The following NFIB variants were observed in gnomAD, a reference collection of about 807,000 sequenced individuals.
NFIB encodes the protein nuclear factor I B.
In NFIB, 11 loss-of-function variants were observed where a neutral mutation model predicts 61.5. That is an observed-to-expected ratio of 0.18 (90% CI 0.11 to 0.30). NFIB has a LOEUF of 0.30. Ranked by LOEUF, NFIB falls within the 10% of genes least tolerant of loss-of-function variation. The pLI, the probability that NFIB is intolerant of heterozygous loss-of-function variation, is 1.00. For synonymous variants in NFIB, 260 were observed against 216.5 expected (o/e 1.20, Z -1.76); for missense variants, 471 against 608.9 (o/e 0.77, Z 2.38).
At position 14,150,202 on chromosome 9, in the gene NFIB, T is replaced by C; in HGVS notation, c.749A>G (p.Tyr250Cys). The change falls in exon 5 of 11, where the codon TAT (tyrosine) becomes TGT (cysteine). Residue 250 changes from tyrosine to cysteine, a missense_variant. Transcript: ENST00000380953. ...PIGEIPSQPY[Y>C]HDMNSGVNLQ... ...ATTGACCCCCGAGTTCATGTCATGA[T>C]AGTATGGTTGGCTTGGGATTTCTCC... 6.2e-7 allele frequency: 1 copy of C among 1,613,564 alleles called. No individual in the cohort carries two copies. The highest frequency in any genetic ancestry group is 8.5e-7 in the Non-Finnish European group (1 of 1,179,592).
intron 3 of NFIB, among the ~76,000 whole-genome samples, chr9:14,156,618 C>A (rs2043440168): frequency 6.6e-6 from 1 of 152,188 alleles, no homozygotes; most frequent in African/African-American, 2.4e-5. Flanking sequence ...CACACCGGGG[C>A]AGGGTCCACA....
chr9:14,130,440 G>C (rs1171704538), intron 6 of NFIB, among the ~76,000 whole-genome samples: 2 of 152,126 alleles, frequency 1.3e-5, no homozygotes, highest in Admixed American at 1.3e-4. Flanking sequence ...TTTATCCACT[G>C]AACAAACTTG....
chr9:14,259,088 C>T (rs751217351), intron 2 of NFIB, among the ~76,000 whole-genome samples: 1 of 152,160 alleles, frequency 6.6e-6, no homozygotes, highest in Non-Finnish European at 1.5e-5. Context: ...ACATAAGGCT[C>T]GTGAGAATCT....
In NFIB at chr9:14,214,314, C is replaced by T. The variant is rs1211447524; in HGVS notation, c.563-34534G>A. ...TGTCAGGAGCATGGACCCATGCAGTCACATAGAGCCCCACTTACGTGGTCC... is the reference window on the plus strand; with the variant it reads ...TGTCAGGAGCATGGACCCATGCAGTTACATAGAGCCCCACTTACGTGGTCC... On this transcript the variant is annotated intron_variant, in intron 2 of 10. Transcript: ENST00000380953. 3.3e-5 allele frequency among the ~76,000 whole-genome samples: 5 copies of T among 152,218 alleles called. No individual in the cohort carries two copies. In the East Asian group the frequency reaches 9.6e-4, roughly 29 times the overall value.
the NFIB span, among the ~76,000 whole-genome samples, chr9:14,427,934 G>GTTTTTTTTTTTTTTTTTTTTTTTTTTT: frequency 1.0e-3 from 26 of 25,942 alleles, 4 homozygotes; most frequent in Non-Finnish European, 1.7e-3. Flanking sequence ...CTTTAATTCA[G>GTTTTTTTTTTTTTTTTTTTTTTTTTTT]TTGTTTTTTT....
At chr9:14,380,410 G>A (rs890054328) in intron 1 of NFIB, among the ~76,000 whole-genome samples, 3 of 152,146 alleles carry the variant, frequency 2.0e-5, no homozygotes, top group Admixed American at 6.5e-5. Context: ...CCAATAAAAT[G>A]GTGATGTAAA....
chr9:14,291,944 A>T (rs946059121), intron 2 of NFIB, among the ~76,000 whole-genome samples: 6 of 152,142 alleles, frequency 3.9e-5, no homozygotes, highest in Non-Finnish European at 7.4e-5. Context: ...AATTTAGTGT[A>T]TCTTCCATCC....
chr9:14,398,420 C>T lies in NFIB; in HGVS notation c.108+104G>A, dbSNP rs1164916862. 8.7e-6 allele frequency: 7 copies of T among 804,682 alleles called. No homozygotes were observed. In the South Asian group the frequency reaches 1.1e-4, roughly 13 times the overall value. 49.8% of individuals were successfully genotyped at this position (804,682 alleles called of 1,614,324 possible). On this transcript the variant is annotated intron_variant, in intron 1 of 8. Transcript: ENST00000380934. ...AGCCCTGCAACAGGAAGGACCTTCT[C>T]TAGAGCAGCCATATTTTCTGAACCC...
intron 2 of NFIB, among the ~76,000 whole-genome samples, chr9:14,253,358 C>A (rs141106362): frequency 1.3e-5 from 2 of 152,218 alleles, no homozygotes; most frequent in East Asian, 1.9e-4. Context: ...TAGATTATAG[C>A]GGGATAATTT....
At chr9:14,251,857 G>A (rs1294502130) in intron 2 of NFIB, among the ~76,000 whole-genome samples, 2 of 152,192 alleles carry the variant, frequency 1.3e-5, no homozygotes, top group African/African-American at 4.8e-5. Flanking sequence ...AAGCTGGAGA[G>A]GAAAACAACA....
intron 2 of NFIB, among the ~76,000 whole-genome samples, chr9:14,275,639 C>A (rs114707546): frequency 6.6e-6 from 1 of 152,050 alleles, no homozygotes; most frequent in Non-Finnish European, 1.5e-5. Context: ...GTTGTGAGTA[C>A]TTATCTAAAA....
Position 14,155,908 on chromosome 9 carries a change from TA to T in NFIB, c.617-16del. 6.8e-7 allele frequency: 1 copy of T among 1,470,810 alleles called. No individual in the cohort carries two copies. Among genetic ancestry groups the T allele is most frequent in the East Asian group, 2.3e-5 (1 of 43,230 alleles). 91.1% of individuals were successfully genotyped at this position (1,470,810 alleles called of 1,614,324 possible). ...CTCAAGGTAACCTGAAAATAAATAT[TA>T]AAGGAAAAATGATCAATATAAGCAG... is the stretch of plus-strand genomic sequence containing the variant. On this transcript the variant is annotated splice_polypyrimidine_tract_variant and intron_variant, in intron 3 of 10. Transcript: ENST00000380953.
rs1393277673 is a variant in NFIB at position 14,085,624 on chromosome 9, T to C, written c.*2685A>G. 4 of 220,184 alleles carry C rather than the reference T, an allele frequency of 1.8e-5. No individual in the cohort carries two copies. Among genetic ancestry groups the C allele is most frequent in the East Asian group, 1.3e-4 (2 of 14,890 alleles). The allele number at this position is 220,184 out of a possible 1,614,324, so 13.6% of individuals were successfully genotyped here. A position where few individuals can be genotyped will look rare whatever the true frequency, so the allele number is the denominator to read the frequency against. ...GATTTACTTTTTTGTTCCTTAAAAA[T>C]TGAACTTTGATTTTAATCTATCAGT... On this transcript the variant is annotated 3_prime_UTR_variant, in exon 11 of 11. Coordinates refer to ENST00000380953, the MANE Select transcript of NFIB (RefSeq NM_001190737.2).
chr9:14,200,161 T>G (rs1178182581), intron 2 of NFIB, among the ~76,000 whole-genome samples: 2 of 152,198 alleles, frequency 1.3e-5, no homozygotes, highest in African/African-American at 4.8e-5. Context: ...TGTTCATGCC[T>G]TCTTCAAAAC....
chr9:14,521,363 T>A, the NFIB span, among the ~76,000 whole-genome samples: 1 of 152,188 alleles, frequency 6.6e-6, no homozygotes, highest in African/African-American at 2.4e-5. Context: ...CAGAAGTCCT[T>A]TGATGTCTTT....
chr9:14,193,216 G>C (rs1162942046), intron 2 of NFIB, among the ~76,000 whole-genome samples: 1 of 150,884 alleles, frequency 6.6e-6, no homozygotes, highest in Admixed American at 6.7e-5. Flanking sequence ...ATCCATCCAA[G>C]TTTACTTCTT....
chr9:14,160,933 T>C (rs1463821018), intron 3 of NFIB, among the ~76,000 whole-genome samples: 2 of 151,774 alleles, frequency 1.3e-5, no homozygotes, highest in Admixed American at 6.6e-5. Flanking sequence ...CCTATGTTAG[T>C]TTTCTGGCAT....
At chr9:14,463,133 C>T in the NFIB span, among the ~76,000 whole-genome samples, 3 of 119,478 alleles carry the variant, frequency 2.5e-5, no homozygotes, top group South Asian at 2.9e-4. Context: ...ATAATTAAAT[C>T]ATAAAATAAT....
the NFIB span, among the ~76,000 whole-genome samples, chr9:14,441,101 T>A: frequency 6.8e-6 from 1 of 146,776 alleles, no homozygotes; most frequent in Admixed American, 6.8e-5. Context: ...TTGACAGCTT[T>A]CCCTTAATTA....
Sources: gnomAD v4.1 joint callset for allele counts (sites outside exome capture counted in the v4.1 genomes callset) on GRCh38, gnomAD v4.1.1 for gene constraint, MANE v1.5 for transcripts, NCBI Gene and HGNC (gene_info 2026-07-23, HGNC 2026-07-21) for gene names.